Variants in OTULIN observed in about 807,000 individuals in gnomAD.
OTULIN encodes the protein OTU deubiquitinase with linear linkage specificity.
A neutral mutation model predicts 39.6 loss-of-function variants in OTULIN; 15 were observed. The ratio of observed to expected loss-of-function variants is 0.38; its 90% CI spans 0.25 to 0.58. OTULIN has a LOEUF of 0.58. Ranked by LOEUF, OTULIN falls within the 20% of genes least tolerant of loss-of-function variation. The pLI is 0.66. For synonymous variants in OTULIN, 156 were observed against 170.3 expected, an observed-to-expected ratio of 0.92 and a Z score of 0.65; for missense variants, 319 against 445.9, an observed-to-expected ratio of 0.72 and a Z score of 2.56.
chr5:14,665,437 G>A (rs551633240), intron 1 of OTULIN, among the ~76,000 whole-genome samples: 2 of 152,218 alleles, frequency 1.3e-5, no homozygotes, highest in Non-Finnish European at 2.9e-5. Flanking sequence ...AAGAGAATCT[G>A]ACCCATTCTC....
intron 4 of OTULIN, among the ~76,000 whole-genome samples, chr5:14,684,242 G>A (rs1220028999): frequency 6.6e-6 from 1 of 152,184 alleles, no homozygotes; most frequent in African/African-American, 2.4e-5. Flanking sequence ...TTAAACGTTG[G>A]ATCTGAATGT....
At chr5:14,671,828 T>C (rs894276704) in intron 1 of OTULIN, among the ~76,000 whole-genome samples, 2 of 152,214 alleles carry the variant, frequency 1.3e-5, no homozygotes, top group Non-Finnish European at 2.9e-5. Flanking sequence ...ACAGTGGATA[T>C]AAAATGAGAA....
Position 14,696,502 on chromosome 5 carries a change from A to G in OTULIN, c.*3454A>G, listed in dbSNP as rs542782446. The G allele has an allele frequency of 1.3e-5, 2 of 152,208 alleles. No individual in the cohort carries two copies. The highest frequency in any genetic ancestry group is 2.9e-5 in the Non-Finnish European group (2 of 68,024). 9.4% of individuals were successfully genotyped at this position (152,208 alleles called of 1,614,324 possible). A position where few individuals can be genotyped will look rare whatever the true frequency, so the allele number is the denominator to read the frequency against. On this transcript the variant is annotated 3_prime_UTR_variant, in exon 7 of 7. Transcript: ENST00000284274. ...GTGAAGTGAATGTGAAATGTGTGTG[A>G]AATACATAGAATTCCCAAATAGTTT...
chr5:14,697,613 T>C lies in OTULIN; in HGVS notation c.*4565T>C, dbSNP rs1464116194. On this transcript the variant is annotated 3_prime_UTR_variant, in exon 7 of 7. Coordinates refer to ENST00000284274, the MANE Select transcript of OTULIN (RefSeq NM_138348.6). ...ACATTAATTGTATTGAAATGTTATATCAATACATCATTTATGATGTGTGTG... is the reference window on the plus strand; with the variant it reads ...ACATTAATTGTATTGAAATGTTATACCAATACATCATTTATGATGTGTGTG... 1 of 152,242 alleles carries C rather than the reference T, an allele frequency of 6.6e-6. No individual in the cohort carries two copies. Among genetic ancestry groups the C allele is most frequent in the Non-Finnish European group, 1.5e-5 (1 of 68,036 alleles). The allele number at this position is 152,242 out of a possible 1,614,324, so 9.4% of individuals were successfully genotyped here.
intron 3 of OTULIN, among the ~76,000 whole-genome samples, chr5:14,681,215 A>G (rs1736240443): frequency 6.7e-6 from 1 of 149,860 alleles, no homozygotes; most frequent in Non-Finnish European, 1.5e-5. Flanking sequence ...AACTTAGTTT[A>G]GCTCTCTTTT....
chr5:14,713,582 G>A, the OTULIN span: 11 of 1,614,070 alleles, frequency 6.8e-6, no homozygotes, highest in East Asian at 8.9e-5. The surrounding 1 kb of genome is among the most constrained non-coding windows in gnomAD (Gnocchi z 4.4). Flanking sequence ...CGATGAGGAC[G>A]ATGATCCGCA....
At chr5:14,678,489 T>C (rs1254770974) in intron 2 of OTULIN, among the ~76,000 whole-genome samples, 192 bp from the exon 3 acceptor site, 1 of 152,110 alleles carries the variant, frequency 6.6e-6, no homozygotes, top group Non-Finnish European at 1.5e-5. Flanking sequence ...GGGACACCCA[T>C]TGGGAGACCC....
At chr5:14,666,663 G>T (rs1463956880) in intron 1 of OTULIN, among the ~76,000 whole-genome samples, 1 of 152,082 alleles carries the variant, frequency 6.6e-6, no homozygotes, top group Non-Finnish European at 1.5e-5. Context: ...GCTTAATTTT[G>T]CTTTTTCCTT....
chr5:14,696,916 G>A lies in OTULIN; in HGVS notation c.*3868G>A, dbSNP rs1736684818. 6.6e-6 allele frequency: 1 copy of A among 152,198 alleles called. No individual in the cohort carries two copies. The highest frequency in any genetic ancestry group is 1.5e-5 in the Non-Finnish European group (1 of 68,044). 9.4% of individuals were successfully genotyped at this position (152,198 alleles called of 1,614,324 possible). The stretch of plus-strand genomic sequence containing the variant: ...TGGGCAACTGATTATTAATGTTTTT[G>A]TAATTCAGTTTATAACTTGGAACCA... On this transcript the variant is annotated 3_prime_UTR_variant, in exon 7 of 7. Transcript: ENST00000284274.
chr5:14,666,081 G>A (rs952567881), intron 1 of OTULIN, among the ~76,000 whole-genome samples: 3 of 152,214 alleles, frequency 2.0e-5, no homozygotes, highest in Non-Finnish European at 4.4e-5. Context: ...GGCCCGTGCT[G>A]GTTCCTAATC....
chr5:14,701,869 C>T (rs1736802476), downstream of OTULIN, among the ~76,000 whole-genome samples: 1 of 152,202 alleles, frequency 6.6e-6, no homozygotes, highest in South Asian at 2.1e-4. Flanking sequence ...TGAGGAAGGA[C>T]CTGCCGGGCA....
downstream of OTULIN, among the ~76,000 whole-genome samples, chr5:14,702,798 G>T (rs1736824472): frequency 6.6e-6 from 1 of 152,182 alleles, no homozygotes; most frequent in African/African-American, 2.4e-5. Context: ...TGGAAATAAT[G>T]ATTGTACTTG....
Position 14,692,884 on chromosome 5 carries a change from C to T in OTULIN, c.895C>T (p.Arg299Cys), listed in dbSNP as rs771800109. The T allele has an allele frequency of 5.3e-5, 86 of 1,614,006 alleles. No homozygotes were observed. The highest frequency in any genetic ancestry group is 5.8e-5 in the Non-Finnish European group (69 of 1,180,036). The change falls in exon 7 of 7, where the codon CGC (arginine) becomes TGC (cysteine). Residue 299 changes from arginine (R) to cysteine (C), a missense_variant. Coordinates refer to ENST00000284274, the MANE Select transcript of OTULIN (RefSeq NM_138348.6). ...AATGTTCCTTCTTGCCTATGCTGTGCGCCACACCATCCAGGTGTACCGGCT... is the reference window on the plus strand; with the variant it reads ...AATGTTCCTTCTTGCCTATGCTGTGTGCCACACCATCCAGGTGTACCGGCT... ...VEMFLLAYAV[R>C]HTIQVYRLSK...
chr5:14,696,446 T>C lies in OTULIN; in HGVS notation c.*3398T>C, dbSNP rs2126351527. 6.6e-6 allele frequency: 1 copy of C among 152,368 alleles called. No individual in the cohort carries two copies. Among genetic ancestry groups the C allele is most frequent in the East Asian group, 1.9e-4 (1 of 5,192 alleles). The allele number at this position is 152,368 out of a possible 1,614,324, so 9.4% of individuals were successfully genotyped here. ...AAGAAATGCATTTATGTAAGATCTG[T>C]GAGTACTTAAAAAGAAAGCCCTCAG... On this transcript the variant is annotated 3_prime_UTR_variant, in exon 7 of 7. Transcript: ENST00000284274.
rs746946210 is a variant in OTULIN at position 14,693,021 on chromosome 5, C to CA, written c.1033dup (p.Arg345LysfsTer4). 1.5e-5 allele frequency: 25 copies of CA among 1,613,732 alleles called. No homozygotes were observed. In the East Asian group the frequency reaches 4.5e-4, roughly 29 times the overall value. The stretch of plus-strand genomic sequence containing the variant: ...ACGATCGGCACTATAACATCCCCGT[C>CA]AGAGTGTGTGAGGAGACCAGTCTAT... On this transcript the variant is annotated frameshift_variant, in exon 7 of 7. Coordinates refer to ENST00000284274, the MANE Select transcript of OTULIN (RefSeq NM_138348.6). LOFTEE classifies it high-confidence loss of function.
chr5:14,688,285 C>T (rs1238377475), intron 5 of OTULIN, among the ~76,000 whole-genome samples: 1 of 151,974 alleles, frequency 6.6e-6, no homozygotes, highest in East Asian at 1.9e-4. Flanking sequence ...AGCTTGGAGC[C>T]CTTCTCACCA....
chr5:14,681,671 C>G, intron 4 of OTULIN, 64 bp downstream of exon 4: 1 of 1,524,840 alleles, frequency 6.6e-7, no homozygotes, highest in Middle Eastern at 2.1e-4. Context: ...AAAACTTTCC[C>G]TTTCTGTCCA....
chr5:14,690,127 T>C lies in OTULIN; in HGVS notation c.683T>C (p.Leu228Pro), dbSNP rs759054878. ...LFTNEAEEYS[L>P]YEAVKFLMLN... Reference sequence around the variant, plus strand: ...ACAAATGAGGCGGAGGAATATAGCCTCTATGAAGCTGTAAAATTTCTAATG... The same window carrying C: ...ACAAATGAGGCGGAGGAATATAGCCCCTATGAAGCTGTAAAATTTCTAATG... Residue 228 changes from leucine to proline, a missense_variant, in exon 6 of 7, where the codon CTC (leucine) becomes CCC (proline). Coordinates refer to ENST00000284274, the MANE Select transcript of OTULIN (RefSeq NM_138348.6). The surrounding 1 kb of genome is among the most constrained non-coding windows in gnomAD (Gnocchi z 4.5). The C allele has an allele frequency of 6.2e-7, 1 of 1,614,178 alleles. No individual in the cohort carries two copies. The highest frequency in any genetic ancestry group is 8.5e-7 in the Non-Finnish European group (1 of 1,180,032).
chr5:14,713,300 C>T, the OTULIN span, among the ~76,000 whole-genome samples: 19 of 152,138 alleles, frequency 1.2e-4, no homozygotes, highest in Non-Finnish European at 2.5e-4. This position sits in a 1 kb window ranked among gnomAD's most constrained non-coding sequence, Gnocchi z 4.4. Context: ...CGTGCAGGGC[C>T]GGCCATGCCC....
Sources: allele counts gnomAD v4.1 joint callset (sites outside exome capture counted in the v4.1 genomes callset), GRCh38; gene constraint gnomAD v4.1.1; non-coding constraint Gnocchi (gnomAD v3.1); transcripts MANE v1.5; gene names NCBI Gene and HGNC (gene_info 2026-07-23, HGNC 2026-07-21).